Variants in KIAA0825 observed in about 807,000 individuals in gnomAD.
The protein encoded by KIAA0825 is uncharacterized protein KIAA0825.
A neutral mutation model predicts 147.6 loss-of-function variants in KIAA0825; 119 were observed. That is an observed-to-expected ratio of 0.81 (90% CI 0.69 to 0.94). The LOEUF (loss-of-function observed/expected upper bound fraction) is 0.94, where lower values mean the gene tolerates loss of function less well. KIAA0825 is among the 40% of genes least tolerant of loss of function. The pLI is 0.00. For missense variants in KIAA0825, 1,381 were observed against 1,472.7 expected, an observed-to-expected ratio of 0.94 and a Z score of 1.02; for synonymous variants, 470 against 518.1, an observed-to-expected ratio of 0.91 and a Z score of 1.26.
chr5:94,151,436 A>C lies in KIAA0825; in HGVS notation c.*2571T>G, dbSNP rs987498188. Among the ~76,000 whole-genome samples, 9 of 150,974 alleles carry C rather than the reference A, an allele frequency of 6.0e-5. No homozygotes were observed. Among genetic ancestry groups the C allele is most frequent in the Non-Finnish European group, 1.2e-4 (8 of 67,540 alleles). ...GAGACTCCGTCTCAAAAAAAAAAAAAAAAAAAAAAAAAAAACATATTGAGT... is the reference window on the plus strand; with the variant it reads ...GAGACTCCGTCTCAAAAAAAAAAAACAAAAAAAAAAAAAAACATATTGAGT... On this transcript the variant is annotated 3_prime_UTR_variant, in exon 21 of 21. Transcript: ENST00000682413.
At chr5:94,243,806 G>A (rs923263168) in intron 20 of KIAA0825, among the ~76,000 whole-genome samples, 2 of 152,046 alleles carry the variant, frequency 1.3e-5, no homozygotes, top group Non-Finnish European at 2.9e-5. Context: ...TGTCCCTACC[G>A]CAGGCTTTCT....
At chr5:94,154,638 A>C (rs542324035) in intron 20 of KIAA0825, among the ~76,000 whole-genome samples, 2 of 152,144 alleles carry the variant, frequency 1.3e-5, no homozygotes, top group Non-Finnish European at 2.9e-5. Context: ...ATCAAGTTCA[A>C]CCACTCTAGA....
chr5:94,241,211 C>T (rs1162301469), intron 20 of KIAA0825, among the ~76,000 whole-genome samples: 1 of 152,044 alleles, frequency 6.6e-6, no homozygotes, highest in African/African-American at 2.4e-5. Context: ...CTCATTTGGC[C>T]CTTCTATAAA....
intron 2 of KIAA0825, chr5:94,570,766 G>C (rs1474449619): frequency 6.6e-6 from 1 of 152,206 alleles, no homozygotes; most frequent in Admixed American, 6.5e-5. Context: ...AAAAGTACTT[G>C]ACTTCACCAT....
chr5:94,226,485 T>C (rs1774178725), intron 20 of KIAA0825, among the ~76,000 whole-genome samples: 1 of 152,086 alleles, frequency 6.6e-6, no homozygotes, highest in Non-Finnish European at 1.5e-5. Context: ...AAACTAGAAA[T>C]ACCATTTGAC....
At chr5:94,555,484 C>T (rs1776372091) in intron 2 of KIAA0825, among the ~76,000 whole-genome samples, 1 of 152,016 alleles carries the variant, frequency 6.6e-6, no homozygotes, top group African/African-American at 2.4e-5. Flanking sequence ...TATACTATGA[C>T]TATTAAAATT....
chr5:94,384,699 T>C, intron 19 of KIAA0825, among the ~76,000 whole-genome samples: 1 of 152,228 alleles, frequency 6.6e-6, no homozygotes, highest in East Asian at 1.9e-4. Context: ...AATCAATTTA[T>C]TGAGTCGTTA....
At chr5:94,217,075 AT>A (rs1296293274) in intron 20 of KIAA0825, among the ~76,000 whole-genome samples, 1 of 152,252 alleles carries the variant, frequency 6.6e-6, no homozygotes, top group East Asian at 1.9e-4. Flanking sequence ...ATTTCAAAGG[AT>A]TTTTTTCTCT....
chr5:94,548,160 C>G (rs2151421410), intron 2 of KIAA0825, among the ~76,000 whole-genome samples: 1 of 152,192 alleles, frequency 6.6e-6, no homozygotes. Flanking sequence ...TTACTCATAT[C>G]TTAAATAGAA....
At chr5:94,616,894 G>T (rs1353900954) in intron 1 of KIAA0825, among the ~76,000 whole-genome samples, 1 of 152,138 alleles carries the variant, frequency 6.6e-6, no homozygotes, top group Non-Finnish European at 1.5e-5. Flanking sequence ...TGAAAATAAT[G>T]ATACTGTTAT....
At chr5:94,453,339 A>ATTT (rs563316235) in intron 12 of KIAA0825, among the ~76,000 whole-genome samples, 1 of 118,236 alleles carries the variant, frequency 8.5e-6, no homozygotes. Context: ...CGTGTGGCTG[A>ATTT]TTTTTTTTTT....
chr5:94,405,280 CTA>C (rs1751894489), intron 15 of KIAA0825, among the ~76,000 whole-genome samples: 1 of 152,020 alleles, frequency 6.6e-6, no homozygotes, highest in Admixed American at 6.5e-5. Flanking sequence ...GTTAAAATTT[CTA>C]TAATTTGGAA....
intron 13 of KIAA0825, among the ~76,000 whole-genome samples, chr5:94,447,334 G>A (rs150901787): frequency 1.2e-3 from 178 of 152,138 alleles, no homozygotes; most frequent in African/African-American, 4.0e-3. Flanking sequence ...TACTAACAAT[G>A]TTCAATATTT....
chr5:94,384,062 C>G (rs1043170010), intron 20 of KIAA0825, among the ~76,000 whole-genome samples: 1 of 152,048 alleles, frequency 6.6e-6, no homozygotes, highest in Non-Finnish European at 1.5e-5. Flanking sequence ...ATTAAATATA[C>G]AAAGTCAAAA....
chr5:94,355,931 T>C (rs1326405962), intron 20 of KIAA0825, among the ~76,000 whole-genome samples: 2 of 152,196 alleles, frequency 1.3e-5, no homozygotes, highest in African/African-American at 4.8e-5. Context: ...AAAAGAATTG[T>C]CCAACTCACT....
chr5:94,257,485 A>G (rs1465026486), intron 20 of KIAA0825, among the ~76,000 whole-genome samples: 1 of 152,160 alleles, frequency 6.6e-6, no homozygotes, highest in Non-Finnish European at 1.5e-5. Context: ...AGTTCTCAAA[A>G]GCAAGTTAAT....
intron 1 of KIAA0825, among the ~76,000 whole-genome samples, chr5:94,595,201 C>T (rs1451341739): frequency 6.6e-6 from 1 of 152,230 alleles, no homozygotes; most frequent in African/African-American, 2.4e-5. Flanking sequence ...TTCTGCACTG[C>T]CCTGGCAGAG....
chr5:94,531,174 G>A (rs1311851697), intron 3 of KIAA0825, among the ~76,000 whole-genome samples: 3 of 152,142 alleles, frequency 2.0e-5, no homozygotes, highest in Non-Finnish European at 2.9e-5. Context: ...ACTTGAAAGA[G>A]TCTTGTAACA....
chr5:94,293,206 G>C (rs752048511), intron 20 of KIAA0825, among the ~76,000 whole-genome samples: 8 of 152,052 alleles, frequency 5.3e-5, no homozygotes, highest in Non-Finnish European at 1.0e-4. Context: ...TGATGTTAGG[G>C]TATCAATTTT....
Sources: gnomAD v4.1 joint callset for allele counts (sites outside exome capture counted in the v4.1 genomes callset) on GRCh38, gnomAD v4.1.1 for gene constraint, MANE v1.5 for transcripts, NCBI Gene and HGNC (gene_info 2026-07-23, HGNC 2026-07-21) for gene names.